Variants in TTC28 observed in about 807,000 individuals in gnomAD.
TTC28 encodes tetratricopeptide repeat domain 28.
Under a neutral mutation model 198.0 loss-of-function variants are expected in TTC28, and 61 were observed. The observed-to-expected ratio is 0.31, with a 90% CI of 0.25 to 0.38. The LOEUF is 0.38. Ranked by LOEUF, TTC28 falls within the 10% of genes least tolerant of loss-of-function variation. The pLI, the probability that TTC28 is intolerant of heterozygous loss-of-function variation, is 1.00. For missense variants in TTC28, 2,678 were observed against 3,164.0 expected (o/e 0.85, Z 3.69); for synonymous variants, 1,171 against 1,297.8 (o/e 0.90, Z 2.10).
chr22:28,090,020 C>T (rs530941891), intron 12 of TTC28, among the ~76,000 whole-genome samples: 119 of 151,596 alleles, frequency 7.8e-4, no homozygotes, highest in Non-Finnish European at 1.0e-3. Flanking sequence ...TGCTAAATGA[C>T]GAGTTAATGG....
In TTC28 at chr22:27,983,226, C is replaced by T. The variant is rs2146494832; in HGVS notation, c.6441G>A (p.Val2147=). The part of the protein sequence containing the change: ...DQSSTETDST[V]KSQEESNPKL... ...TTGGGTTGCTTTCTTCTTGGGATTT[C>T]ACGGTACTGTCCGTTTCTGTGCTAG... is the stretch of plus-strand genomic sequence containing the variant. The change falls in exon 23 of 23, where the codon GTG becomes GTA. Residue 2147 remains valine, a synonymous_variant. Coordinates refer to ENST00000397906, the MANE Select transcript of TTC28 (RefSeq NM_001145418.2). 4 of 1,551,886 alleles carry T rather than the reference C, an allele frequency of 2.6e-6. No individual in the cohort carries two copies. Among genetic ancestry groups the T allele is most frequent in the South Asian group, 1.2e-5 (1 of 84,058 alleles).
At chr22:28,232,355 T>C (rs1569212409) in intron 5 of TTC28, among the ~76,000 whole-genome samples, 1 of 151,940 alleles carries the variant, frequency 6.6e-6, no homozygotes, top group African/African-American at 2.4e-5. Context: ...GCCAAAAGAA[T>C]GCAAAAAAAA....
chr22:28,312,034 C>CAAAAAAAAAAA (rs200319220), intron 2 of TTC28, among the ~76,000 whole-genome samples: 11 of 90,054 alleles, frequency 1.2e-4, no homozygotes, highest in African/African-American at 4.2e-4. Context: ...AAATAGAAAG[C>CAAAAAAAAAAA]AAAAAAAAAA....
chr22:28,342,979 C>T (rs1327778266), intron 2 of TTC28, among the ~76,000 whole-genome samples: 1 of 152,080 alleles, frequency 6.6e-6, no homozygotes, highest in Non-Finnish European at 1.5e-5. Flanking sequence ...AGAGAACCAA[C>T]TACTCTCACA....
chr22:27,992,151 CA>C (rs1349230369), intron 19 of TTC28, among the ~76,000 whole-genome samples: 2 of 152,138 alleles, frequency 1.3e-5, no homozygotes, highest in African/African-American at 2.4e-5. Flanking sequence ...CCACAGGTGA[CA>C]GGGGCCCCAT....
At chr22:28,597,795 G>A (rs898126885) in intron 2 of TTC28, among the ~76,000 whole-genome samples, 1 of 152,096 alleles carries the variant, frequency 6.6e-6, no homozygotes, top group Non-Finnish European at 1.5e-5. Flanking sequence ...CTTACCTTTT[G>A]CGGGGAGGTG....
intron 2 of TTC28, among the ~76,000 whole-genome samples, chr22:28,518,304 G>T (rs995845729): frequency 2.6e-5 from 4 of 152,120 alleles, no homozygotes; most frequent in Non-Finnish European, 4.4e-5. Flanking sequence ...ACAGATGATA[G>T]ACTTAAATTT....
At chr22:27,999,504 TGAGAGGATTGG>T (rs950277923) in intron 15 of TTC28, 19 of 572,808 alleles carry the variant, frequency 3.3e-5, no homozygotes, top group Non-Finnish European at 5.0e-5. Flanking sequence ...GTAGGGGTCC[TGAGAGGATTGG>T]GGGAGGAGGC....
intron 2 of TTC28, among the ~76,000 whole-genome samples, chr22:28,373,852 TGA>T (rs1296216456): frequency 1.3e-5 from 2 of 152,188 alleles, no homozygotes; most frequent in Non-Finnish European, 2.9e-5. Flanking sequence ...GTTTTGCTTC[TGA>T]AAGCAAACAT....
intron 12 of TTC28, among the ~76,000 whole-genome samples, chr22:28,086,602 A>T (rs528407077): frequency 6.6e-6 from 1 of 152,298 alleles, no homozygotes; most frequent in East Asian, 1.9e-4. Context: ...CAATTAAAAG[A>T]ACTAGAAAAG....
At position 28,239,697 on chromosome 22, in the gene TTC28, T is replaced by A. The variant is rs150573968; in HGVS notation, c.933+56501A>T. Among the ~76,000 whole-genome samples, 90 of 152,244 alleles carry A rather than the reference T, an allele frequency of 5.9e-4. No homozygotes were observed. The East Asian group carries it at 0.014, about 24-fold the overall frequency. On this transcript the variant is annotated intron_variant, in intron 5 of 22. Coordinates refer to ENST00000397906, the MANE Select transcript of TTC28 (RefSeq NM_001145418.2). ...TTTTGGGTTTTTTTCCCCTAGGAACTCTACCAGGCTCTCACAGGAAACATT... is the reference window on the plus strand; with the variant it reads ...TTTTGGGTTTTTTTCCCCTAGGAACACTACCAGGCTCTCACAGGAAACATT...
At position 28,636,197 on chromosome 22, in the gene TTC28, C is replaced by T. The variant is rs960774707; in HGVS notation, c.103-6367G>A. Among the ~76,000 whole-genome samples, 6 of 116,010 alleles carry T rather than the reference C, an allele frequency of 5.2e-5. No individual in the cohort carries two copies. In the Admixed American group the frequency reaches 6.7e-4, roughly 13 times the overall value. 76.1% of individuals were successfully genotyped at this position (116,010 alleles called of 152,430 possible). A position where few individuals can be genotyped will look rare whatever the true frequency, so the allele number is the denominator to read the frequency against. ...CTGGAGGGCAGTGGCACGATCTTGG[C>T]TCACTGCAAGCTCTGCTTCCTGGGT... On this transcript the variant is annotated intron_variant, in intron 1 of 22. Coordinates refer to ENST00000397906, the MANE Select transcript of TTC28 (RefSeq NM_001145418.2).
chr22:28,141,718 A>T (rs984478285), intron 6 of TTC28, among the ~76,000 whole-genome samples: 2 of 152,170 alleles, frequency 1.3e-5, no homozygotes, highest in African/African-American at 4.8e-5. Flanking sequence ...ACTCTGACAT[A>T]AGAATACACA....
chr22:28,017,084 G>A (rs2146591694), intron 13 of TTC28, among the ~76,000 whole-genome samples: 1 of 152,336 alleles, frequency 6.6e-6, no homozygotes, highest in South Asian at 2.1e-4. Context: ...TGCAATCAGG[G>A]GCAGTGTCAT....
At chr22:28,349,181 G>GCACACACA (rs149420278) in intron 2 of TTC28, among the ~76,000 whole-genome samples, 11 of 151,194 alleles carry the variant, frequency 7.3e-5, no homozygotes, top group African/African-American at 2.7e-4. Context: ...GCATGTGCAC[G>GCACACACA]CACACACACA....
At chr22:28,487,450 T>C (rs1282064646) in intron 2 of TTC28, among the ~76,000 whole-genome samples, 1 of 151,946 alleles carries the variant, frequency 6.6e-6, no homozygotes, top group East Asian at 1.9e-4. Flanking sequence ...AACTATAAAA[T>C]TAATAAATTT....
chr22:28,537,299 A>ACTAAAAT (rs1491268139), intron 2 of TTC28, among the ~76,000 whole-genome samples: 1 of 103,682 alleles, frequency 9.6e-6, no homozygotes, highest in Non-Finnish European at 2.2e-5. Context: ...TCTCAAAAAT[A>ACTAAAAT]AAATAAAATA....
intron 2 of TTC28, among the ~76,000 whole-genome samples, chr22:28,587,452 G>A (rs184090352): frequency 6.6e-6 from 1 of 152,034 alleles, no homozygotes; most frequent in Admixed American, 6.5e-5. Flanking sequence ...AGGCCTTTCA[G>A]ATCAATCATC....
At chr22:28,342,685 C>A (rs2045850308) in intron 2 of TTC28, among the ~76,000 whole-genome samples, 1 of 152,160 alleles carries the variant, frequency 6.6e-6, no homozygotes, top group Middle Eastern at 3.4e-3. Flanking sequence ...GTGTTAAGAG[C>A]TCATCTTTCA....
Sources: allele counts gnomAD v4.1 joint callset (sites outside exome capture counted in the v4.1 genomes callset), GRCh38; gene constraint gnomAD v4.1.1; transcripts MANE v1.5; gene names NCBI Gene and HGNC (gene_info 2026-07-23, HGNC 2026-07-21).